The following RAB3C variants were observed in gnomAD, a reference collection of about 807,000 sequenced individuals.
RAB3C encodes the protein RAB3C, member RAS oncogene family, also known as ras-related protein Rab-3C.
A neutral mutation model predicts 26.4 loss-of-function variants in RAB3C; 17 were observed. The observed-to-expected ratio is 0.64, with a 90% CI of 0.44 to 0.97. RAB3C has a LOEUF of 0.97. RAB3C is among the 50% of genes least tolerant of loss of function. RAB3C has a pLI of 0.00. For missense variants in RAB3C, 242 were observed against 281.9 expected, an observed-to-expected ratio of 0.86 and a Z score of 1.01; for synonymous variants, 91 against 95.9, an observed-to-expected ratio of 0.95 and a Z score of 0.30.
Position 58,594,044 on chromosome 5 carries a change from G to A in RAB3C, c.24+10812G>A, listed in dbSNP as rs1282438374. On this transcript the variant is annotated intron_variant, in intron 1 of 4. Transcript: ENST00000282878. ...CTGGCTACCCGAATCATAATCTAACGGTAAGAGGTAAGGTCATCAGCCTCT... is the reference window on the plus strand; with the variant it reads ...CTGGCTACCCGAATCATAATCTAACAGTAAGAGGTAAGGTCATCAGCCTCT... Among the ~76,000 whole-genome samples the A allele has an allele frequency of 4.6e-5, 7 of 152,230 alleles. No individual in the cohort carries two copies. The East Asian group carries it at 5.8e-4, about 13-fold the overall frequency.
intron 3 of RAB3C, among the ~76,000 whole-genome samples, chr5:58,812,216 A>G (rs1299062792): frequency 6.6e-6 from 1 of 152,188 alleles, no homozygotes; most frequent in Non-Finnish European, 1.5e-5. Context: ...AGGAGGGCAG[A>G]TGACAAAGGA....
At chr5:58,708,830 G>A (rs566024364) in intron 2 of RAB3C, among the ~76,000 whole-genome samples, 1 of 152,178 alleles carries the variant, frequency 6.6e-6, no homozygotes, top group Non-Finnish European at 1.5e-5. Flanking sequence ...TTGTGAAGCA[G>A]TGATTTTTGT....
At chr5:58,824,245 A>G (rs1052142536) in intron 3 of RAB3C, among the ~76,000 whole-genome samples, 2 of 151,910 alleles carry the variant, frequency 1.3e-5, no homozygotes, top group Non-Finnish European at 2.9e-5. Context: ...ATACCCTGCA[A>G]AAACAATAAA....
intron 3 of RAB3C, among the ~76,000 whole-genome samples, chr5:58,810,385 C>CTCTG (rs879294409): frequency 6.4e-4 from 94 of 147,006 alleles, no homozygotes; most frequent in African/African-American, 2.1e-3. Context: ...CTCTCTCTCT[C>CTCTG]TGTGTGTGTG....
At position 58,759,317 on chromosome 5, in the gene RAB3C, A is replaced by C. The variant is rs534212754; in HGVS notation, c.371+33197A>C. Among the ~76,000 whole-genome samples, 35 of 152,278 alleles carry C rather than the reference A, an allele frequency of 2.3e-4. No individual in the cohort carries two copies. The South Asian group carries it at 4.6e-3, about 20-fold the overall frequency. Reference sequence around the variant, plus strand: ...GAGTTGCAGCTGATACTTAAAGAGAAATGTAAGTTAGCCAGAGACCCCAAG... The same window carrying C: ...GAGTTGCAGCTGATACTTAAAGAGACATGTAAGTTAGCCAGAGACCCCAAG... On this transcript the variant is annotated intron_variant, in intron 3 of 4. Coordinates refer to ENST00000282878, the MANE Select transcript of RAB3C (RefSeq NM_138453.4).
intron 3 of RAB3C, among the ~76,000 whole-genome samples, chr5:58,823,980 G>GT (rs1743413092): frequency 6.7e-6 from 1 of 149,872 alleles, no homozygotes; most frequent in South Asian, 2.1e-4. Context: ...GCGGTGTTTG[G>GT]TTTTTTGTCC....
chr5:58,599,800 G>T (rs1231508488), intron 1 of RAB3C, among the ~76,000 whole-genome samples: 2 of 151,676 alleles, frequency 1.3e-5, no homozygotes, highest in African/African-American at 4.8e-5. Flanking sequence ...TCTGTGGATT[G>T]TCTGTTTACT....
intron 2 of RAB3C, among the ~76,000 whole-genome samples, chr5:58,680,145 C>T (rs2111839181): frequency 6.6e-6 from 1 of 152,228 alleles, no homozygotes; most frequent in East Asian, 1.9e-4. Flanking sequence ...GGAAGGAGTT[C>T]ATTTTTGAGT....
intron 1 of RAB3C, among the ~76,000 whole-genome samples, chr5:58,597,129 TAATATAATAATATATACTACATAATATA>T: frequency 1.0e-5 from 1 of 97,178 alleles, no homozygotes; most frequent in African/African-American, 4.6e-5. Flanking sequence ...ACATAATATA[TAATATAATAATATATACTACATAATATA>T]TATTATATAA....
chr5:58,763,759 T>G lies in RAB3C; in HGVS notation c.371+37639T>G, dbSNP rs530901458. On this transcript the variant is annotated intron_variant, in intron 3 of 4. Transcript: ENST00000282878. ...AAAAGAAAAGCATGGTGATTTAGAG[T>G]AAGAAAGTTATTTACTTTCACTCTA... Among the ~76,000 whole-genome samples, 5 of 152,264 alleles carry G rather than the reference T, an allele frequency of 3.3e-5. No homozygotes were observed. In the East Asian group the frequency reaches 9.7e-4, roughly 29 times the overall value.
intron 2 of RAB3C, among the ~76,000 whole-genome samples, chr5:58,719,816 C>A (rs1418876849): frequency 2.6e-5 from 4 of 151,890 alleles, no homozygotes; most frequent in African/African-American, 9.7e-5. Context: ...GACCTACCTA[C>A]TGGGTACAGG....
chr5:58,788,322 G>A (rs758270701), intron 3 of RAB3C: 3 of 152,214 alleles, frequency 2.0e-5, no homozygotes, highest in Admixed American at 6.5e-5. Context: ...ACTTGCTGTA[G>A]GCTGAAAGCC....
At chr5:58,777,253 G>C (rs1329103322) in intron 3 of RAB3C, among the ~76,000 whole-genome samples, 2 of 152,022 alleles carry the variant, frequency 1.3e-5, no homozygotes, top group Non-Finnish European at 2.9e-5. Context: ...GCCAGCTCTG[G>C]CCTTTTCAGT....
Position 58,604,076 on chromosome 5 carries a change from G to A in RAB3C, c.25-13567G>A, listed in dbSNP as rs567513938. 3.3e-5 allele frequency among the ~76,000 whole-genome samples: 5 copies of A among 151,826 alleles called. No homozygotes were observed. In the East Asian group the frequency reaches 9.7e-4, roughly 29 times the overall value. On this transcript the variant is annotated intron_variant, in intron 1 of 4. Transcript: ENST00000282878. ...AGCCAAACTGCAGTGATTGTTGTCTGTCTTCTGGGTCTAGCCACCCAGCCA... is the reference window on the plus strand; with the variant it reads ...AGCCAAACTGCAGTGATTGTTGTCTATCTTCTGGGTCTAGCCACCCAGCCA...
chr5:58,662,867 G>C (rs770881252), intron 2 of RAB3C, among the ~76,000 whole-genome samples: 2 of 150,202 alleles, frequency 1.3e-5, no homozygotes, highest in African/African-American at 2.5e-5. Flanking sequence ...AATTGTGGTA[G>C]TTCAATTATG....
At chr5:58,675,935 C>T (rs1461077588) in intron 2 of RAB3C, among the ~76,000 whole-genome samples, 1 of 150,504 alleles carries the variant, frequency 6.6e-6, no homozygotes, top group Non-Finnish European at 1.5e-5. Flanking sequence ...CCCCAGCTGG[C>T]CCACCAAATT....
chr5:58,635,127 A>G (rs1248935689), intron 2 of RAB3C, among the ~76,000 whole-genome samples: 1 of 152,206 alleles, frequency 6.6e-6, no homozygotes, highest in Non-Finnish European at 1.5e-5. Context: ...TGAAGGGATA[A>G]GTCATCAGAG....
At chr5:58,767,381 T>G (rs1005103785) in intron 3 of RAB3C, among the ~76,000 whole-genome samples, 7 of 152,182 alleles carry the variant, frequency 4.6e-5, no homozygotes, top group African/African-American at 1.7e-4. Context: ...ATTCTTAGCT[T>G]TATTCTACAC....
intron 4 of RAB3C, among the ~76,000 whole-genome samples, chr5:58,839,086 G>A (rs2112077135): frequency 6.6e-6 from 1 of 151,328 alleles, no homozygotes; most frequent in East Asian, 1.9e-4. Context: ...TTTTGTCTAT[G>A]TGTGTCTTTA....
Sources: gnomAD v4.1 joint callset for allele counts (sites outside exome capture counted in the v4.1 genomes callset) on GRCh38, gnomAD v4.1.1 for gene constraint, MANE v1.5 for transcripts, NCBI Gene and HGNC (gene_info 2026-07-23, HGNC 2026-07-21) for gene names.